CTSB: variants seen among roughly 807,000 people sequenced by gnomAD.
CTSB encodes APP secretase.
Under a neutral mutation model 44.3 loss-of-function variants are expected in CTSB, and 57 were observed. The observed-to-expected ratio is 1.29, with a 90% confidence interval of 1.04 to 1.60. CTSB has a LOEUF of 1.60. Ranked by LOEUF, CTSB falls within the 40% of genes most tolerant of loss-of-function variation. The pLI, the probability that CTSB is intolerant of heterozygous loss-of-function variation, is 0.00. For missense variants in CTSB, 768 were observed against 443.0 expected (o/e 1.73, Z -6.59); for synonymous variants, 320 against 168.0 (o/e 1.91, Z -7.00).
intron 1 of CTSB, among the ~76,000 whole-genome samples, chr8:11,855,972 G>C (rs1486779991): frequency 6.6e-6 from 1 of 152,030 alleles, no homozygotes; most frequent in Non-Finnish European, 1.5e-5. Flanking sequence ...AGATTGCAGT[G>C]AGCCAAGATT....
At chr8:11,856,744 C>G (rs1815582492) in intron 1 of CTSB, among the ~76,000 whole-genome samples, 1 of 152,040 alleles carries the variant, frequency 6.6e-6, no homozygotes, top group Non-Finnish European at 1.5e-5. Context: ...TCTCAGCAAT[C>G]TACACATGTA....
intron 1 of CTSB, among the ~76,000 whole-genome samples, chr8:11,865,874 G>C (rs1429142573): frequency 6.7e-6 from 1 of 149,722 alleles, no homozygotes; most frequent in Non-Finnish European, 1.5e-5. Flanking sequence ...AAAAAGCCAG[G>C]TGTGGTGATG....
At chr8:11,848,268 G>A (rs755125679) in intron 5 of CTSB, 116 bp from the exon 6 acceptor site, 2 of 881,934 alleles carry the variant, frequency 2.3e-6, no homozygotes, top group African/African-American at 1.6e-5. Context: ...GCTGCAGCAA[G>A]TGGTGCGAGC....
At chr8:11,851,246 G>C (rs1814549123) in intron 3 of CTSB, among the ~76,000 whole-genome samples, 1 of 152,182 alleles carries the variant, frequency 6.6e-6, no homozygotes, top group Admixed American at 6.5e-5. Flanking sequence ...CTGGAGTGCA[G>C]TGGCGAGATC....
rs1487056829 is a variant in CTSB at position 11,843,854 on chromosome 8, A to C, written c.*1271T>G. ...GAAACTAGCCTGGCCAACATGGTGA[A>C]ATCCTGTATGTACTTAAAAATACAA... is the stretch of plus-strand genomic sequence containing the variant. On this transcript the variant is annotated 3_prime_UTR_variant, in exon 10 of 10. Coordinates refer to ENST00000353047, the MANE Select transcript of CTSB (RefSeq NM_001908.5). 1 of 152,220 alleles carries C rather than the reference A, an allele frequency of 6.6e-6. No individual in the cohort carries two copies. The highest frequency in any genetic ancestry group is 1.5e-5 in the Non-Finnish European group (1 of 68,038). 9.4% of individuals were successfully genotyped at this position (152,220 alleles called of 1,614,324 possible). A position where few individuals can be genotyped will look rare whatever the true frequency, so the allele number is the denominator to read the frequency against.
chr8:11,851,235 G>A (rs908354132), intron 3 of CTSB, among the ~76,000 whole-genome samples: 1 of 152,294 alleles, frequency 6.6e-6, no homozygotes, highest in Admixed American at 6.5e-5. Context: ...TGTCATCCAG[G>A]CTGGAGTGCA....
intron 6 of CTSB, 121 bp downstream of exon 6, chr8:11,847,946 G>T: frequency 1.5e-6 from 2 of 1,346,372 alleles, no homozygotes; most frequent in South Asian, 1.3e-5. Context: ...TGTGCACCTG[G>T]CTAGCACCTC....
chr8:11,854,269 T>G (rs1050102506), intron 1 of CTSB, among the ~76,000 whole-genome samples: 3 of 152,152 alleles, frequency 2.0e-5, no homozygotes, highest in African/African-American at 7.2e-5. Flanking sequence ...CAGGGGTTCC[T>G]GTCAGTCACT....
At chr8:11,851,015 TC>T in intron 3 of CTSB, 35 bp from the exon 4 acceptor site, 1 of 1,485,448 alleles carries the variant, frequency 6.7e-7, no homozygotes, top group Middle Eastern at 1.7e-4. Context: ...CAAGCTCTGA[TC>T]CCACAACTCC....
intron 1 of CTSB, chr8:11,864,555 C>T (rs957910396): frequency 1.3e-5 from 2 of 152,030 alleles, no homozygotes; most frequent in African/African-American, 4.8e-5. Flanking sequence ...AAAAGAGGGG[C>T]AGCAGACAGG....
At position 11,847,062 on chromosome 8, in the gene CTSB, G is replaced by T; in HGVS notation, c.783C>A (p.Leu261=). 6.4e-7 allele frequency: 1 copy of T among 1,571,940 alleles called. No homozygotes were observed. The highest frequency in any genetic ancestry group is 8.7e-7 in the Non-Finnish European group (1 of 1,143,778). The change falls in exon 8 of 10, where the codon CTC becomes CTA. Residue 261 remains leucine, a synonymous_variant. Transcript: ENST00000353047. ...GCCATCAGCACGCACCTGACTTGTA[G>T]AGCAGGAAGTCCGAATACACAGAGA... ...GAFSVYSDFL[L]YKSGVYQHVT... is the part of the protein sequence containing the mutation.
chr8:11,865,137 A>T lies in CTSB; in HGVS notation c.-26+2864T>A, dbSNP rs554172243. The stretch of plus-strand genomic sequence containing the variant: ...GCACATCTGTACATGCCTCCCCTAG[A>T]CTCAACTGCCTGTCACCCCAACCAT... On this transcript the variant is annotated intron_variant, in intron 1 of 9. Transcript: ENST00000353047. Among the ~76,000 whole-genome samples, 16 of 152,108 alleles carry T rather than the reference A, an allele frequency of 1.1e-4. No homozygotes were observed. The East Asian group carries it at 3.1e-3, about 29-fold the overall frequency.
intron 5 of CTSB, 75 bp from the exon 6 acceptor site, chr8:11,848,227 G>C (rs747545110): frequency 7.2e-7 from 1 of 1,395,076 alleles, no homozygotes; most frequent in African/African-American, 1.4e-5. Context: ...TGCTACCCAA[G>C]TGCCCGAGGC....
At position 11,847,121 on chromosome 8, in the gene CTSB, C is replaced by T. The variant is rs200814899; in HGVS notation, c.724G>A (p.Glu242Lys). The T allele has an allele frequency of 9.9e-6, 16 of 1,613,704 alleles. No homozygotes were observed. Among genetic ancestry groups the T allele is most frequent in the Non-Finnish European group, 1.2e-5 (14 of 1,179,652 alleles). ...TCCACGGGGCCGTTTTTGTAGATCT[C>T]GGCCATGATGTCCTTCTCGCTATTG... The part of the protein sequence containing the change: ...VSNSEKDIMA[E>K]IYKNGPVEGA... The change falls in exon 8 of 10, where the codon GAG (glutamate) becomes AAG (lysine). Residue 242 changes from glutamate (E) to lysine (K), a missense_variant. Physicochemically the swap from Glu to Lys is moderately conservative, Grantham distance 56. Coordinates refer to ENST00000353047, the MANE Select transcript of CTSB (RefSeq NM_001908.5).
chr8:11,850,433 A>G (rs1478839886), intron 4 of CTSB, among the ~76,000 whole-genome samples: 3 of 148,376 alleles, frequency 2.0e-5, no homozygotes, highest in African/African-American at 7.4e-5. Context: ...AAAAAAAAAA[A>G]AAAAAAAAGA....
chr8:11,853,172 G>T (rs1814910580), intron 2 of CTSB, among the ~76,000 whole-genome samples, 157 bp downstream of exon 2: 1 of 151,918 alleles, frequency 6.6e-6, no homozygotes, highest in African/African-American at 2.4e-5. Context: ...AGGGAGGCGT[G>T]GTCCAGAGCC....
At chr8:11,864,728 G>A (rs1816882877) in intron 1 of CTSB, among the ~76,000 whole-genome samples, 1 of 151,948 alleles carries the variant, frequency 6.6e-6, no homozygotes, top group Non-Finnish European at 1.5e-5. Context: ...AGGCGAGGCG[G>A]GCAGATCATT....
intron 1 of CTSB, among the ~76,000 whole-genome samples, chr8:11,865,823 A>G (rs1817041580): frequency 1.3e-5 from 2 of 148,264 alleles, no homozygotes; most frequent in South Asian, 2.2e-4. Flanking sequence ...CCTGGCTAAC[A>G]TGGTGAAAGC....
rs370725059 is a variant in CTSB, at chr8:11,845,914, C to T, written c.794-125G>A. 163 of 1,159,074 alleles carry T rather than the reference C, an allele frequency of 1.4e-4. No homozygotes were observed. The African/African-American group carries it at 2.2e-3, about 16-fold the overall frequency. 71.8% of individuals were successfully genotyped at this position (1,159,074 alleles called of 1,614,324 possible). ...AGCTTCCAGAGGGAACCTGCTGCTC[C>T]ACCAGGAGGCTCCAGGGGGGGTCCC... On this transcript the variant is annotated intron_variant, in intron 8 of 9. Coordinates refer to ENST00000353047, the MANE Select transcript of CTSB (RefSeq NM_001908.5).
Sources: allele counts gnomAD v4.1 joint callset (sites outside exome capture counted in the v4.1 genomes callset), GRCh38; gene constraint gnomAD v4.1.1; transcripts MANE v1.5; gene names NCBI Gene and HGNC (gene_info 2026-07-23, HGNC 2026-07-21).